MBTPS1: variants seen among roughly 807,000 people sequenced by gnomAD.
MBTPS1 encodes the protein membrane-bound transcription factor site-1 protease.
Under a neutral mutation model 127.8 loss-of-function variants are expected in MBTPS1, and 94 were observed. The ratio of observed to expected loss-of-function variants is 0.74; its 90% CI spans 0.62 to 0.87. The LOEUF is 0.87. MBTPS1 is among the 40% of genes least tolerant of loss of function. The pLI, the probability that MBTPS1 is intolerant of heterozygous loss-of-function variation, is 0.00. For synonymous variants in MBTPS1, 632 were observed against 509.4 expected (o/e 1.24, Z -3.24); for missense variants, 1,636 against 1,353.2 (o/e 1.21, Z -3.28).
At chr16:84,111,273 C>T (rs2086392928) in intron 1 of MBTPS1, among the ~76,000 whole-genome samples, 1 of 152,234 alleles carries the variant, frequency 6.6e-6, no homozygotes, top group South Asian at 2.1e-4. Context: ...GGCACAGTGG[C>T]TCACGCCTGT....
At chr16:84,061,008 T>G in intron 19 of MBTPS1, 195 bp from the exon 20 acceptor site, 1 of 457,590 alleles carries the variant, frequency 2.2e-6, no homozygotes, top group South Asian at 2.9e-5. Context: ...TAATTTTTTA[T>G]TTTTTGCAGA....
At chr16:84,108,452 C>G (rs1435696961) in intron 1 of MBTPS1, among the ~76,000 whole-genome samples, 1 of 152,154 alleles carries the variant, frequency 6.6e-6, no homozygotes, top group African/African-American at 2.4e-5. Context: ...TTAGTAGAGA[C>G]AGGATTTTGC....
In MBTPS1 at chr16:84,095,605, T is replaced by A; in HGVS notation, c.622A>T (p.Thr208Ser). 6.2e-7 allele frequency: 1 copy of A among 1,614,122 alleles called. No individual in the cohort carries two copies. The highest frequency in any genetic ancestry group is 8.5e-7 in the Non-Finnish European group (1 of 1,180,002). Residue 208 changes from threonine (T) to serine (S), a missense_variant, in exon 4 of 23, where the codon ACA becomes TCA. Transcript: ENST00000343411. The part of the protein sequence containing the change: ...QADVLWQMGY[T>S]GANVRVAVFD... ...TTCCCTGGGTAATAGCACACACCTG[T>A]ATATCCCATCTGCCAGAGCACATCT...
In MBTPS1 at chr16:84,065,759, C is replaced by A. The variant is rs773350884; in HGVS notation, c.2362G>T (p.Ala788Ser). The A allele has an allele frequency of 2.1e-5, 33 of 1,598,882 alleles. No homozygotes were observed. The Middle Eastern group carries it at 5.0e-4, about 24-fold the overall frequency. ...AACTTCGCGATGCTGCACCCTGACG[C>A]ATAATACACTAGGAAAGAGTGTTCA... The part of the protein sequence containing the change: ...FTLANHDMYY[A>S]SGCSIAKFPE... The change falls in exon 18 of 23, where the codon GCG becomes TCG. Residue 788 changes from alanine (A) to serine (S), a missense_variant. By Grantham distance (99) the Ala-to-Ser change is moderately conservative. Coordinates refer to ENST00000343411, the MANE Select transcript of MBTPS1 (RefSeq NM_003791.4).
chr16:84,115,679 G>C (rs1252503040), intron 1 of MBTPS1, among the ~76,000 whole-genome samples: 1 of 152,194 alleles, frequency 6.6e-6, no homozygotes, highest in Admixed American at 6.5e-5. Flanking sequence ...GTCATTAAAG[G>C]CAAATCTAGA....
intron 1 of MBTPS1, among the ~76,000 whole-genome samples, chr16:84,111,661 C>T (rs913951595): frequency 6.6e-6 from 1 of 152,136 alleles, no homozygotes; most frequent in Non-Finnish European, 1.5e-5. Context: ...TGATTCTCTC[C>T]ACAGAGCCTC....
intron 11 of MBTPS1, 77 bp downstream of exon 11, chr16:84,081,670 G>T: frequency 1.7e-6 from 2 of 1,143,762 alleles, no homozygotes; most frequent in Non-Finnish European, 1.2e-6. Context: ...TTTGAGGCTT[G>T]TATTTTGTGC....
intron 16 of MBTPS1, 31 bp from the exon 17 acceptor site, chr16:84,066,644 C>T: frequency 6.2e-7 from 1 of 1,611,702 alleles, no homozygotes; most frequent in East Asian, 2.2e-5. Context: ...ACACAGGGAA[C>T]AGGGAATGAA....
At chr16:84,105,287 C>A (rs1435705728) in intron 1 of MBTPS1, among the ~76,000 whole-genome samples, 1 of 152,144 alleles carries the variant, frequency 6.6e-6, no homozygotes, top group Non-Finnish European at 1.5e-5. Context: ...AAGATACTAT[C>A]AGGTACTACA....
chr16:84,099,216 T>C lies in MBTPS1; in HGVS notation c.258A>G (p.Arg86=). ...TGGATGGATTGTTTCGAGGTATAAT[T>C]CTCCAATTGTCTACTTCACTGCTCT... ...ALKSSEVDNW[R]IIPRNNPSSD... is the part of the protein sequence containing the mutation. The change falls in exon 3 of 23, where the codon AGA becomes AGG. Residue 86 remains arginine, a synonymous_variant. Coordinates refer to ENST00000343411, the MANE Select transcript of MBTPS1 (RefSeq NM_003791.4). The C allele has an allele frequency of 6.2e-7, 1 of 1,614,124 alleles. No homozygotes were observed. Among genetic ancestry groups the C allele is most frequent in the Middle Eastern group, 1.6e-4 (1 of 6,062 alleles).
At position 84,054,304 on chromosome 16, in the gene MBTPS1, G is replaced by C. The variant is rs1273517498; in HGVS notation, c.*145C>G. 3.3e-6 allele frequency: 2 copies of C among 610,074 alleles called. No individual in the cohort carries two copies. Among genetic ancestry groups the C allele is most frequent in the South Asian group, 2.7e-5 (1 of 36,596 alleles). 37.8% of individuals were successfully genotyped at this position (610,074 alleles called of 1,614,324 possible). On this transcript the variant is annotated 3_prime_UTR_variant, in exon 23 of 23. Coordinates refer to ENST00000343411, the MANE Select transcript of MBTPS1 (RefSeq NM_003791.4). ...CCAGGAGCCTCTGCCCATCACAGGA[G>C]GGCAGGCCCATGTAGAACAGACTCT...
rs767545476 is a variant in MBTPS1 at position 84,099,090 on chromosome 16, G to C, written c.384C>G (p.Pro128=). ...TGAGGGAACGAAAGACTTTTCGTTG[G>C]GGCGTGACCCGTTTGATGTTTGGAT... The part of the protein sequence containing the change: ...EDHPNIKRVT[P]QRKVFRSLKY... Residue 128 remains proline (P), a synonymous_variant, in exon 3 of 23, where the codon CCC becomes CCG. Transcript: ENST00000343411. The C allele has an allele frequency of 3.7e-6, 6 of 1,614,034 alleles. No individual in the cohort carries two copies. The South Asian group carries it at 6.6e-5, about 18-fold the overall frequency.
chr16:84,077,437 A>C (rs986488468), intron 11 of MBTPS1, among the ~76,000 whole-genome samples: 1 of 152,192 alleles, frequency 6.6e-6, no homozygotes, highest in African/African-American at 2.4e-5. Flanking sequence ...AGGGATAGAC[A>C]TAATACATAT....
At chr16:84,059,741 G>T in intron 20 of MBTPS1, 2 of 178,382 alleles carry the variant, frequency 1.1e-5, no homozygotes, top group Non-Finnish European at 1.2e-5. Flanking sequence ...CTACACCTGC[G>T]AAATCTAAGC....
Position 84,070,047 on chromosome 16 carries a change from A to G in MBTPS1, c.1783-9T>C. ...TCTGCACCATTTTTTGACTAAAAAAAAAGAAAAGAAACTTGAAACGCCCTC... is the reference window on the plus strand; with the variant it reads ...TCTGCACCATTTTTTGACTAAAAAAGAAGAAAAGAAACTTGAAACGCCCTC... On this transcript the variant is annotated splice_polypyrimidine_tract_variant and intron_variant, in intron 13 of 22. Coordinates refer to ENST00000343411, the MANE Select transcript of MBTPS1 (RefSeq NM_003791.4). 1.3e-6 allele frequency: 2 copies of G among 1,555,166 alleles called. No homozygotes were observed. Among genetic ancestry groups the G allele is most frequent in the Non-Finnish European group, 1.7e-6 (2 of 1,157,988 alleles).
chr16:84,105,318 C>G (rs1254964641), intron 1 of MBTPS1, among the ~76,000 whole-genome samples: 2 of 152,170 alleles, frequency 1.3e-5, no homozygotes, highest in Non-Finnish European at 2.9e-5. Flanking sequence ...GGACTATTAG[C>G]TAGTCAGGGC....
chr16:84,073,452 T>C (rs1449253371), intron 12 of MBTPS1, among the ~76,000 whole-genome samples: 3 of 152,060 alleles, frequency 2.0e-5, no homozygotes, highest in Non-Finnish European at 2.9e-5. Context: ...TCAATATTTA[T>C]GATATAATGA....
Position 84,090,907 on chromosome 16 carries a change from A to C in MBTPS1, c.999T>G (p.Val333=). The C allele has an allele frequency of 6.2e-7, 1 of 1,613,684 alleles. No homozygotes were observed. Among genetic ancestry groups the C allele is most frequent in the South Asian group, 1.1e-5 (1 of 90,972 alleles). Residue 333 remains valine (V), a synonymous_variant, in exon 8 of 23, where the codon GTT becomes GTG. Coordinates refer to ENST00000343411, the MANE Select transcript of MBTPS1 (RefSeq NM_003791.4). The part of the protein sequence containing the change: ...WELTANNVIM[V]SAIGNDGPLY... ...GAGGTCCGTCATTGCCAATAGCAGA[A>C]ACCATGATTACATTGTTAGCTGTTA...
At chr16:84,087,563 A>C in intron 8 of MBTPS1, 103 bp from the exon 9 acceptor site, 1 of 724,218 alleles carries the variant, frequency 1.4e-6, no homozygotes, top group Non-Finnish European at 2.3e-6. Context: ...TCCCAGAACA[A>C]TCTAACACTG....
Sources: allele counts gnomAD v4.1 joint callset (sites outside exome capture counted in the v4.1 genomes callset), GRCh38; gene constraint gnomAD v4.1.1; transcripts MANE v1.5; gene names NCBI Gene and HGNC (gene_info 2026-07-23, HGNC 2026-07-21).